A4GALT: variants seen among roughly 807,000 people sequenced by gnomAD.
A4GALT encodes alpha 1,4-galactosyltransferase (P1PK blood group).
For synonymous variants in A4GALT, 257 were observed against 220.7 expected, an observed-to-expected ratio of 1.16 and a Z score of -1.46; for missense variants, 512 against 486.0, an observed-to-expected ratio of 1.05 and a Z score of -0.50.
chr22:42,715,490 G>A (rs1187812738), intron 1 of A4GALT, among the ~76,000 whole-genome samples: 1 of 152,086 alleles, frequency 6.6e-6, no homozygotes, highest in Non-Finnish European at 1.5e-5. Flanking sequence ...GGGAGGTGGA[G>A]GTGTGAGGAT....
At chr22:42,707,651 CTT>C (rs1921272306) in intron 1 of A4GALT, among the ~76,000 whole-genome samples, 1 of 152,086 alleles carries the variant, frequency 6.6e-6, no homozygotes, top group Non-Finnish European at 1.5e-5. Flanking sequence ...GTGAGAGACT[CTT>C]TCTCAAAATA....
chr22:42,696,121 CAAAAAA>C (rs1296048741), intron 1 of A4GALT, among the ~76,000 whole-genome samples: 1 of 53,910 alleles, frequency 1.9e-5, no homozygotes, highest in Admixed American at 2.6e-4. Context: ...GACTCTATCT[CAAAAAA>C]AAAAAAAAAA....
Position 42,692,643 on chromosome 22 carries a change from C to T in A4GALT, c.*247G>A. The T allele has an allele frequency of 1.5e-6, 1 of 652,214 alleles. No homozygotes were observed. Among genetic ancestry groups the T allele is most frequent in the Non-Finnish European group, 2.8e-6 (1 of 353,468 alleles). 40.4% of individuals were successfully genotyped at this position (652,214 alleles called of 1,614,324 possible). On this transcript the variant is annotated 3_prime_UTR_variant, in exon 3 of 3. Transcript: ENST00000642412. This position sits in a 1 kb window ranked among gnomAD's most constrained non-coding sequence, Gnocchi z 4.6. ...TCCTTCCTGCCTGTTGTCTAGAAGG[C>T]CCGGGGCACTCACTGAGCGCCCTCC...
chr22:42,705,403 C>T (rs1920991278), intron 1 of A4GALT, among the ~76,000 whole-genome samples: 1 of 151,512 alleles, frequency 6.6e-6, no homozygotes, highest in Non-Finnish European at 1.5e-5. Flanking sequence ...GAGTTCGAGA[C>T]CAGCCTGGCC....
At chr22:42,712,784 C>A (rs1455598229) in intron 1 of A4GALT, among the ~76,000 whole-genome samples, 1 of 152,164 alleles carries the variant, frequency 6.6e-6, no homozygotes, top group Non-Finnish European at 1.5e-5. Context: ...TGGCGGAAGC[C>A]TGTAATCCCA....
At chr22:42,713,004 T>C (rs1251360975) in intron 1 of A4GALT, among the ~76,000 whole-genome samples, 2 of 152,210 alleles carry the variant, frequency 1.3e-5, no homozygotes, top group African/African-American at 2.4e-5. Flanking sequence ...CCACCTTTGC[T>C]AACTGGATAC....
intron 1 of A4GALT, among the ~76,000 whole-genome samples, chr22:42,713,533 C>T (rs561162717): frequency 3.9e-5 from 6 of 152,164 alleles, no homozygotes; most frequent in South Asian, 2.1e-4. Context: ...AGGTGCTGGC[C>T]GGGCACAGTG....
At chr22:42,700,303 T>C (rs774116049) in intron 1 of A4GALT, among the ~76,000 whole-genome samples, 1 of 152,156 alleles carries the variant, frequency 6.6e-6, no homozygotes. Context: ...ACTGATGAGA[T>C]GAGGAATGGC....
chr22:42,696,427 GA>G (rs59139000), intron 1 of A4GALT, among the ~76,000 whole-genome samples: 1,348 of 122,092 alleles, frequency 0.011, 9 homozygotes, highest in African/African-American at 0.031. Context: ...TTTCAAAAAG[GA>G]AAAAAAAAAA....
chr22:42,704,493 A>G (rs1372941157), intron 1 of A4GALT, among the ~76,000 whole-genome samples: 2 of 149,016 alleles, frequency 1.3e-5, no homozygotes, highest in African/African-American at 2.5e-5. Context: ...GACTCAAAAA[A>G]TAAAAAAAAT....
intron 1 of A4GALT, among the ~76,000 whole-genome samples, chr22:42,719,261 A>G (rs543472067): frequency 3.3e-5 from 5 of 152,346 alleles, no homozygotes; most frequent in Admixed American, 6.5e-5. Context: ...AGCAGACAAG[A>G]AACGACAGGC....
intron 1 of A4GALT, among the ~76,000 whole-genome samples, chr22:42,703,456 A>G (rs1214683443): frequency 6.6e-5 from 10 of 151,926 alleles, no homozygotes; most frequent in Non-Finnish European, 1.5e-4. Context: ...GGGTTTCACC[A>G]TCTTGGCCAG....
chr22:42,715,538 A>G (rs745795387), intron 1 of A4GALT, among the ~76,000 whole-genome samples: 6 of 151,786 alleles, frequency 4.0e-5, no homozygotes, highest in Non-Finnish European at 7.4e-5. Context: ...CCTGGGCAAC[A>G]TAAGTGGACT....
At chr22:42,696,211 G>A (rs1164513333) in intron 1 of A4GALT, among the ~76,000 whole-genome samples, 5 of 150,224 alleles carry the variant, frequency 3.3e-5, no homozygotes, top group Non-Finnish European at 5.9e-5. Context: ...ACTTGAGGTC[G>A]GGAATTCGAG....
chr22:42,703,354 C>T (rs1166567439), intron 1 of A4GALT, among the ~76,000 whole-genome samples: 1 of 149,802 alleles, frequency 6.7e-6, no homozygotes, highest in Non-Finnish European at 1.5e-5. Flanking sequence ...CACCCGGGTT[C>T]AAGTGATTGT....
chr22:42,693,042 G>T lies in A4GALT; in HGVS notation c.910C>A (p.Leu304Met), dbSNP rs748987435. Reference sequence around the variant, plus strand: ...TAGGTGGCACTGAGCAGCCGCGGCAGCTCCTCGGGGTTGATGTCCTCAAAG... The same window carrying T: ...TAGGTGGCACTGAGCAGCCGCGGCATCTCCTCGGGGTTGATGTCCTCAAAG... ...KYFEDINPEE[L>M]PRLLSATYAV... Residue 304 changes from leucine (L) to methionine (M), a missense_variant, in exon 3 of 3, where the codon CTG becomes ATG. Physicochemically the swap from Leu to Met is conservative, Grantham distance 15. Coordinates refer to ENST00000642412, the MANE Select transcript of A4GALT (RefSeq NM_017436.7). The T allele has an allele frequency of 1.2e-6, 2 of 1,612,558 alleles. No homozygotes were observed. Among genetic ancestry groups the T allele is most frequent in the Admixed American group, 3.3e-5 (2 of 59,974 alleles).
At chr22:42,700,084 C>T (rs1446739558) in intron 1 of A4GALT, among the ~76,000 whole-genome samples, 5 of 152,330 alleles carry the variant, frequency 3.3e-5, no homozygotes, top group Admixed American at 2.0e-4. Flanking sequence ...GGGCTGCTCC[C>T]GAGGTAGGGG....
chr22:42,704,714 C>A (rs1431444516), intron 1 of A4GALT, among the ~76,000 whole-genome samples: 4 of 151,932 alleles, frequency 2.6e-5, no homozygotes, highest in Non-Finnish European at 5.9e-5. Flanking sequence ...AGGAATAAGG[C>A]AGCAGCTTAG....
chr22:42,720,830 G>C lies in A4GALT; in HGVS notation c.-221C>G, dbSNP rs567438753. The C allele has an allele frequency of 2.2e-4, 21 of 97,026 alleles. No homozygotes were observed. Among genetic ancestry groups the C allele is most frequent in the Admixed American group, 2.0e-3 (18 of 8,804 alleles). The allele number at this position is 97,026 out of a possible 1,614,324, so 6.0% of individuals were successfully genotyped here. A position where few individuals can be genotyped will look rare whatever the true frequency, so the allele number is the denominator to read the frequency against. On this transcript the variant is annotated 5_prime_UTR_variant, in exon 1 of 3. Coordinates refer to ENST00000642412, the MANE Select transcript of A4GALT (RefSeq NM_017436.7). ...CCAGCGGCGGCGGGCGGCGGACAGC[G>C]GGGCCCCGGCGGGCGGGCGGCGCGG... is the stretch of plus-strand genomic sequence containing the variant.
Sources: gnomAD v4.1 joint callset for allele counts (sites outside exome capture counted in the v4.1 genomes callset) on GRCh38, gnomAD v4.1.1 for gene constraint, Gnocchi (gnomAD v3.1) non-coding constraint, MANE v1.5 for transcripts, NCBI Gene and HGNC (gene_info 2026-07-23, HGNC 2026-07-21) for gene names.